The following ZNF236 variants were observed in gnomAD, a reference collection of about 807,000 sequenced individuals.
The protein encoded by ZNF236 is zinc finger protein 236.
ZNF236 carries 50 observed loss-of-function variants against 191.2 expected under a neutral mutation model. That is an observed-to-expected ratio of 0.26 (90% CI 0.21 to 0.33). The LOEUF (loss-of-function observed/expected upper bound fraction) is 0.33. ZNF236 is among the 10% of genes least tolerant of loss of function. The pLI is 1.00. For synonymous variants in ZNF236, 907 were observed against 928.8 expected (o/e 0.98, Z 0.43); for missense variants, 1,754 against 2,374.5 (o/e 0.74, Z 5.43).
rs987187771 is a variant in ZNF236, at chr18:76,960,201, T to C, written c.5242+385T>C. On this transcript the variant is annotated intron_variant, in intron 29 of 30. Transcript: ENST00000320610. This position sits in a 1 kb window ranked among gnomAD's most constrained non-coding sequence, Gnocchi z 4.4. ...ATCTTCCTCTTCTGTCTTAAAACTT[T>C]TTTTCTCTGCTGGCTTTTCCTACAC... is the stretch of plus-strand genomic sequence containing the variant. 3.3e-5 allele frequency among the ~76,000 whole-genome samples: 5 copies of C among 152,166 alleles called. No individual in the cohort carries two copies. Among genetic ancestry groups the C allele is most frequent in the African/African-American group, 1.2e-4 (5 of 41,424 alleles).
In ZNF236 at chr18:76,925,128, G is replaced by A. The variant is rs1484439861; in HGVS notation, c.3662-61G>A. On this transcript the variant is annotated intron_variant, in intron 21 of 30. Coordinates refer to ENST00000320610, the MANE Select transcript of ZNF236 (RefSeq NM_001306089.2). This position sits in a 1 kb window ranked among gnomAD's most constrained non-coding sequence, Gnocchi z 5.7. ...TACATCCATAGTGACAGCTGAGTGGGGTGGGGGTGAGTGTCGCGACTGCCA... is the reference window on the plus strand; with the variant it reads ...TACATCCATAGTGACAGCTGAGTGGAGTGGGGGTGAGTGTCGCGACTGCCA... The A allele has an allele frequency of 1.3e-6, 2 of 1,573,326 alleles. No individual in the cohort carries two copies. The highest frequency in any genetic ancestry group is 1.7e-6 in the Non-Finnish European group (2 of 1,159,378).
At chr18:76,873,209 C>G (rs1023147428) in intron 5 of ZNF236, among the ~76,000 whole-genome samples, 1 of 152,154 alleles carries the variant, frequency 6.6e-6, no homozygotes, top group African/African-American at 2.4e-5. Context: ...AAAAGTAAAG[C>G]AAATCCTTCT....
intron 15 of ZNF236, 92 bp from the exon 16 acceptor site, chr18:76,910,568 T>A: frequency 7.8e-7 from 1 of 1,277,168 alleles, no homozygotes; most frequent in Non-Finnish European, 1.1e-6. Flanking sequence ...GAAATGCCCC[T>A]TTAGACATTT....
intron 10 of ZNF236, among the ~76,000 whole-genome samples, chr18:76,897,109 C>G (rs927874243): frequency 1.3e-5 from 2 of 151,540 alleles, no homozygotes; most frequent in Non-Finnish European, 1.5e-5. Context: ...GCACACAGTA[C>G]TACACACAGT....
chr18:76,864,706 C>T lies in ZNF236; in HGVS notation c.364-3979C>T, dbSNP rs543593800. On this transcript the variant is annotated intron_variant, in intron 3 of 30. Coordinates refer to ENST00000320610, the MANE Select transcript of ZNF236 (RefSeq NM_001306089.2). ...GCTCAGTGTACATGGAGGAAATACT[C>T]AGGACAGTGATATTTAAAGAGGGAA... 2.0e-4 allele frequency among the ~76,000 whole-genome samples: 30 copies of T among 150,162 alleles called. 1 individual carries two copies. The highest frequency in any genetic ancestry group is 6.8e-3 in the Middle Eastern group (2 of 292).
chr18:76,966,196 A>G (rs747200160), intron 30 of ZNF236, among the ~76,000 whole-genome samples: 1 of 152,148 alleles, frequency 6.6e-6, no homozygotes, highest in Non-Finnish European at 1.5e-5. Context: ...GAGCCTCCTC[A>G]TGCTGCTCTG....
In ZNF236 at chr18:76,969,132, G is replaced by A. The variant is rs111428361; in HGVS notation, c.*793G>A. ...ATCGCAGGTAGGAAACCACAGAACC[G>A]TCTGCAAGGAGCAAGCAACGGTGGC... On this transcript the variant is annotated 3_prime_UTR_variant, in exon 31 of 31. Transcript: ENST00000320610. 295 of 329,062 alleles carry A rather than the reference G, an allele frequency of 9.0e-4. No individual in the cohort carries two copies. Among genetic ancestry groups the A allele is most frequent in the Admixed American group, 1.3e-3 (20 of 15,490 alleles). 20.4% of individuals were successfully genotyped at this position (329,062 alleles called of 1,614,324 possible).
chr18:76,924,533 T>A lies in ZNF236; in HGVS notation c.3662-656T>A, dbSNP rs115473874. On this transcript the variant is annotated intron_variant, in intron 21 of 30. Transcript: ENST00000320610. ...AAAATTAGCATTTGTTCCTGGACAGTAGAGGGGAAAAGCCAGCCAGGAAGT... is the reference window on the plus strand; with the variant it reads ...AAAATTAGCATTTGTTCCTGGACAGAAGAGGGGAAAAGCCAGCCAGGAAGT... Among the ~76,000 whole-genome samples the A allele has an allele frequency of 5.4e-3, 815 of 152,236 alleles. 8 individuals are homozygous for A. The highest frequency in any genetic ancestry group is 0.018 in the African/African-American group (756 of 41,544).
In ZNF236 at chr18:76,910,012, A is replaced by G. The variant is rs1207009558; in HGVS notation, c.2552-56A>G. ...GAAGTGTACTTTTGGACAGATTTGC[A>G]GTTGTGAAATAACTTCCAAATGTAT... is the stretch of plus-strand genomic sequence containing the variant. On this transcript the variant is annotated intron_variant, in intron 14 of 30. Coordinates refer to ENST00000320610, the MANE Select transcript of ZNF236 (RefSeq NM_001306089.2). 3.0e-6 allele frequency: 4 copies of G among 1,336,918 alleles called. No individual in the cohort carries two copies. In the Admixed American group the frequency reaches 7.1e-5, roughly 24 times the overall value. The allele number at this position is 1,336,918 out of a possible 1,614,324, so 82.8% of individuals were successfully genotyped here.
intron 18 of ZNF236, among the ~76,000 whole-genome samples, chr18:76,914,224 C>T (rs572312309): frequency 5.5e-4 from 84 of 152,332 alleles, no homozygotes; most frequent in African/African-American, 1.9e-3. Flanking sequence ...GCTTCTTTCA[C>T]AGCACAGTGT....
At chr18:76,909,529 C>T (rs1967159424) in intron 14 of ZNF236, among the ~76,000 whole-genome samples, 1 of 152,102 alleles carries the variant, frequency 6.6e-6, no homozygotes, top group Admixed American at 6.5e-5. Flanking sequence ...GCTCCTGAAC[C>T]AGAATATAAA....
chr18:76,956,385 A>C (rs1968525955), intron 28 of ZNF236, among the ~76,000 whole-genome samples: 1 of 152,246 alleles, frequency 6.6e-6, no homozygotes, highest in Non-Finnish European at 1.5e-5. Flanking sequence ...GTTCACCTGC[A>C]ACTCACAATC....
At chr18:76,853,020 T>C (rs1975926103) in intron 3 of ZNF236, among the ~76,000 whole-genome samples, 1 of 152,202 alleles carries the variant, frequency 6.6e-6, no homozygotes, top group African/African-American at 2.4e-5. Flanking sequence ...AATCCCATTG[T>C]AAATCAGGGA....
In ZNF236 at chr18:76,875,051, G is replaced by A. The variant is rs1039201755; in HGVS notation, c.668-441G>A. Among the ~76,000 whole-genome samples the A allele has an allele frequency of 1.4e-4, 22 of 152,212 alleles. No homozygotes were observed. Among genetic ancestry groups the A allele is most frequent in the African/African-American group, 5.1e-4 (21 of 41,458 alleles). ...GAAGGGGCCAGGGTGGAAGCAGTGAGTCAAGCTGGGGGTGGTTTCAGGAGC... is the reference window on the plus strand; with the variant it reads ...GAAGGGGCCAGGGTGGAAGCAGTGAATCAAGCTGGGGGTGGTTTCAGGAGC... On this transcript the variant is annotated intron_variant, in intron 5 of 30. Transcript: ENST00000320610. This position sits in a 1 kb window ranked among gnomAD's most constrained non-coding sequence, Gnocchi z 4.3.
intron 3 of ZNF236, among the ~76,000 whole-genome samples, chr18:76,860,700 G>A (rs1417183015): frequency 3.3e-5 from 5 of 152,104 alleles, no homozygotes; most frequent in African/African-American, 7.2e-5. Context: ...AGCTCCCTTC[G>A]TCTCTTGCTG....
At chr18:76,836,221 AT>A (rs998545544) in intron 1 of ZNF236, among the ~76,000 whole-genome samples, 6 of 150,848 alleles carry the variant, frequency 4.0e-5, no homozygotes, top group South Asian at 2.1e-4. Context: ...AGTCTTTATA[AT>A]TTTTTTTTCT....
At chr18:76,857,352 C>G (rs1976073417) in intron 3 of ZNF236, among the ~76,000 whole-genome samples, 1 of 152,172 alleles carries the variant, frequency 6.6e-6, no homozygotes, top group South Asian at 2.1e-4. Context: ...TCAAGCCAGC[C>G]CCCCGACCCT....
At chr18:76,902,457 C>T (rs1200862368) in intron 11 of ZNF236, among the ~76,000 whole-genome samples, 3 of 152,194 alleles carry the variant, frequency 2.0e-5, no homozygotes, top group African/African-American at 7.2e-5. Context: ...AGGAAACCTG[C>T]ATCCAGGGTT....
Position 76,871,732 on chromosome 18 carries a change from A to G in ZNF236, c.574A>G (p.Ile192Val), listed in dbSNP as rs1434529570. Residue 192 changes from isoleucine to valine, a missense_variant, in exon 5 of 31, where the codon ATC becomes GTC. Transcript: ENST00000320610. Reference protein sequence around the residue: ...VSSTRSYNRNIDRSGFTYSCP... With the variant: ...VSSTRSYNRNVDRSGFTYSCP... ...AAGTACAAGGTCTTATAACCGGAAT[A>G]TCGACAGAAGTGGATTCACGTATTC... 4 of 1,614,232 alleles carry G rather than the reference A, an allele frequency of 2.5e-6. No homozygotes were observed. The Admixed American group carries it at 6.7e-5, about 27-fold the overall frequency.
Sources: gnomAD v4.1 joint callset for allele counts (sites outside exome capture counted in the v4.1 genomes callset) on GRCh38, gnomAD v4.1.1 for gene constraint, Gnocchi (gnomAD v3.1) non-coding constraint, MANE v1.5 for transcripts, NCBI Gene and HGNC (gene_info 2026-07-23, HGNC 2026-07-21) for gene names.